The following SUCLG2 variants were observed in gnomAD, a reference collection of about 807,000 sequenced individuals.
SUCLG2 encodes the protein succinate--CoA ligase [GDP-forming] subunit beta, mitochondrial.
A neutral mutation model predicts 47.9 loss-of-function variants in SUCLG2; 42 were observed. The observed-to-expected ratio is 0.88, with a 90% CI of 0.69 to 1.14. The LOEUF (loss-of-function observed/expected upper bound fraction) is 1.14. Ranked by LOEUF, SUCLG2 falls within the 50% of genes most tolerant of loss-of-function variation. SUCLG2 has a pLI of 0.00. For synonymous variants in SUCLG2, 195 were observed against 197.3 expected (o/e 0.99, Z 0.10); for missense variants, 571 against 525.9 (o/e 1.09, Z -0.84).
At chr3:67,379,234 C>G (rs555178906) in intron 10 of SUCLG2, among the ~76,000 whole-genome samples, 2 of 152,156 alleles carry the variant, frequency 1.3e-5, no homozygotes, top group Non-Finnish European at 2.9e-5. Context: ...GCATGAGCCA[C>G]CGTACCCCAT....
intron 1 of SUCLG2, among the ~76,000 whole-genome samples, chr3:67,629,135 G>A (rs916541955): frequency 2.6e-5 from 4 of 152,192 alleles, no homozygotes; most frequent in East Asian, 3.9e-4. Context: ...GTTAAGCACT[G>A]GCAAAGACAG....
chr3:67,527,897 C>A lies in SUCLG2; in HGVS notation c.417+235G>T, dbSNP rs372115042. On this transcript the variant is annotated intron_variant, in intron 4 of 10. Coordinates refer to ENST00000307227, the MANE Select transcript of SUCLG2 (RefSeq NM_003848.4). The stretch of plus-strand genomic sequence containing the variant: ...GAAAGCCATTGCTCGGTCACTCACC[C>A]TCACCCACTTTTTGCTAAATGCTAA... Among the ~76,000 whole-genome samples the A allele has an allele frequency of 5.1e-4, 78 of 152,282 alleles. 1 individual carries two copies. The highest frequency in any genetic ancestry group is 3.4e-3 in the Middle Eastern group (1 of 294).
chr3:67,488,192 T>G (rs1455569429), intron 9 of SUCLG2, among the ~76,000 whole-genome samples: 1 of 152,096 alleles, frequency 6.6e-6, no homozygotes, highest in Non-Finnish European at 1.5e-5. Flanking sequence ...TTTGTCCTTA[T>G]TTTAATAATT....
chr3:67,524,836 T>A (rs1706212388), intron 4 of SUCLG2, among the ~76,000 whole-genome samples: 3 of 152,216 alleles, frequency 2.0e-5, no homozygotes, highest in Admixed American at 2.0e-4. Context: ...CTATGTTTTC[T>A]TTGGCCTCAT....
In SUCLG2 at chr3:67,537,269, T is replaced by C. The variant is rs144058132; in HGVS notation, c.227-8083A>G. Among the ~76,000 whole-genome samples the C allele has an allele frequency of 1.7e-4, 26 of 152,186 alleles. No individual in the cohort carries two copies. The East Asian group carries it at 5.0e-3, about 29-fold the overall frequency. On this transcript the variant is annotated intron_variant, in intron 2 of 10. Coordinates refer to ENST00000307227, the MANE Select transcript of SUCLG2 (RefSeq NM_003848.4). ...AGTGTGTGATGTTCCCCTCCCTGTG[T>C]CCATGTGTTCTCATTGCTCAACTCC...
At chr3:67,481,583 T>C (rs1470250862) in intron 9 of SUCLG2, among the ~76,000 whole-genome samples, 1 of 152,220 alleles carries the variant, frequency 6.6e-6, no homozygotes, top group Non-Finnish European at 1.5e-5. Flanking sequence ...TTGTCAACAC[T>C]GACAGTCCAT....
At chr3:67,434,562 G>T (rs1222443226) in intron 9 of SUCLG2, among the ~76,000 whole-genome samples, 2 of 152,004 alleles carry the variant, frequency 1.3e-5, no homozygotes, top group Non-Finnish European at 2.9e-5. Context: ...CTGTGAATCT[G>T]CTTTTAAATA....
At chr3:67,391,290 GA>G (rs1417533582) in intron 10 of SUCLG2, among the ~76,000 whole-genome samples, 1 of 152,058 alleles carries the variant, frequency 6.6e-6, no homozygotes, top group East Asian at 1.9e-4. Flanking sequence ...TCTTATCCTT[GA>G]TTCTGAAATA....
Position 67,628,980 on chromosome 3 carries a change from G to A in SUCLG2, c.85-19384C>T, listed in dbSNP as rs558523204. Reference sequence around the variant, plus strand: ...AGAGAACAAGGAAGAACAGACACATGTGATGAGAATGCGTGAGAAAAGATG... The same window carrying A: ...AGAGAACAAGGAAGAACAGACACATATGATGAGAATGCGTGAGAAAAGATG... On this transcript the variant is annotated intron_variant, in intron 1 of 10. Transcript: ENST00000307227. Among the ~76,000 whole-genome samples the A allele has an allele frequency of 1.1e-4, 16 of 152,278 alleles. No individual in the cohort carries two copies. In the South Asian group the frequency reaches 3.1e-3, roughly 30 times the overall value.
At position 67,390,786 on chromosome 3, in the gene SUCLG2, C is replaced by T. The variant is rs564510697; in HGVS notation, c.1183+9945G>A. On this transcript the variant is annotated intron_variant, in intron 10 of 10. Coordinates refer to ENST00000307227, the MANE Select transcript of SUCLG2 (RefSeq NM_003848.4). The stretch of plus-strand genomic sequence containing the variant: ...AGCTCTATACAGTCAGTGTACAAAG[C>T]GTTTTGGCCAAACGCAGTAAACAAA... 6.6e-5 allele frequency among the ~76,000 whole-genome samples: 10 copies of T among 152,182 alleles called. No individual in the cohort carries two copies. The South Asian group carries it at 8.3e-4, about 13-fold the overall frequency.
intron 9 of SUCLG2, among the ~76,000 whole-genome samples, chr3:67,459,599 G>A (rs766894812): frequency 1.2e-4 from 19 of 152,174 alleles, no homozygotes; most frequent in Non-Finnish European, 2.6e-4. Flanking sequence ...AGAACTATTG[G>A]AAGTACTCCA....
chr3:67,371,731 A>G (rs929508084), downstream of SUCLG2, among the ~76,000 whole-genome samples: 11 of 152,154 alleles, frequency 7.2e-5, no homozygotes, highest in Admixed American at 1.3e-4. Context: ...CATCCTTTCA[A>G]ATGATCATAA....
chr3:67,632,284 G>A (rs1700941223), intron 1 of SUCLG2, among the ~76,000 whole-genome samples: 1 of 152,056 alleles, frequency 6.6e-6, no homozygotes, highest in South Asian at 2.1e-4. Flanking sequence ...TTGGGTTCAA[G>A]CAATTCTCGT....
chr3:67,546,830 G>A (rs775138849), intron 2 of SUCLG2, among the ~76,000 whole-genome samples: 15 of 152,184 alleles, frequency 9.9e-5, no homozygotes, highest in Admixed American at 3.3e-4. Context: ...GAACCGGGGA[G>A]GCAGAGGTTG....
intron 10 of SUCLG2, among the ~76,000 whole-genome samples, chr3:67,364,741 C>T (rs188330895): frequency 3.0e-4 from 45 of 152,132 alleles, no homozygotes; most frequent in African/African-American, 1.1e-3. Flanking sequence ...AAAGTAACAT[C>T]CACAATGTCC....
At chr3:67,603,024 G>C (rs766436426) in intron 2 of SUCLG2, among the ~76,000 whole-genome samples, 2 of 152,148 alleles carry the variant, frequency 1.3e-5, no homozygotes, top group Non-Finnish European at 2.9e-5. Flanking sequence ...TGTCTGGTGA[G>C]GACACCACTG....
rs929203184 is a variant in SUCLG2, at chr3:67,628,028, T to A, written c.85-18432A>T. ...GTTTTTTGCCCTTCTAGTCCTCCAATACTTCTTTACTCAATTCTCTATGTT... is the reference window on the plus strand; with the variant it reads ...GTTTTTTGCCCTTCTAGTCCTCCAAAACTTCTTTACTCAATTCTCTATGTT... On this transcript the variant is annotated intron_variant, in intron 1 of 10. Transcript: ENST00000307227. Among the ~76,000 whole-genome samples, 4 of 152,216 alleles carry A rather than the reference T, an allele frequency of 2.6e-5. No individual in the cohort carries two copies. The South Asian group carries it at 6.2e-4, about 24-fold the overall frequency.
intron 2 of SUCLG2, among the ~76,000 whole-genome samples, chr3:67,597,445 T>G (rs114829136): frequency 5.9e-5 from 9 of 152,148 alleles, no homozygotes; most frequent in African/African-American, 2.2e-4. Flanking sequence ...TAATCACTTA[T>G]GGAATTCACA....
intron 9 of SUCLG2, among the ~76,000 whole-genome samples, chr3:67,432,404 T>C (rs9878135): frequency 0.067 from 10,165 of 152,234 alleles, 700 homozygotes; most frequent in African/African-American, 0.17. Context: ...CAAGGTCTGA[T>C]TTGAAATACA....
Sources: allele counts gnomAD v4.1 joint callset (sites outside exome capture counted in the v4.1 genomes callset), GRCh38; gene constraint gnomAD v4.1.1; transcripts MANE v1.5; gene names NCBI Gene and HGNC (gene_info 2026-07-23, HGNC 2026-07-21).